The following TUBA1C variants were observed in gnomAD, a reference collection of about 807,000 sequenced individuals.
TUBA1C encodes tubulin alpha 1c.
In TUBA1C, 16 loss-of-function variants were observed where a neutral mutation model predicts 34.9. That is an observed-to-expected ratio of 0.46 (90% CI 0.31 to 0.70). The LOEUF is 0.70. TUBA1C is among the 30% of genes least tolerant of loss of function. The pLI is 0.05. For missense variants in TUBA1C, 329 were observed against 587.3 expected (o/e 0.56, Z 4.55); for synonymous variants, 177 against 215.9 (o/e 0.82, Z 1.58).
intron 1 of TUBA1C, among the ~76,000 whole-genome samples, chr12:49,235,037 C>T (rs2136987753): frequency 6.6e-6 from 1 of 150,552 alleles, no homozygotes; most frequent in East Asian, 2.0e-4. Flanking sequence ...AGGCTGGTCT[C>T]GAATTCCTGT....
intron 1 of TUBA1C, among the ~76,000 whole-genome samples, chr12:49,253,818 A>T (rs376151710): frequency 6.6e-6 from 1 of 152,148 alleles, no homozygotes; most frequent in South Asian, 2.1e-4. Flanking sequence ...TTGAACAGTA[A>T]CTCAAACTGG....
At chr12:49,272,151 T>C in intron 3 of TUBA1C, 102 bp from the exon 4 acceptor site, 1 of 1,516,082 alleles carries the variant, frequency 6.6e-7, no homozygotes, top group Non-Finnish European at 8.8e-7. Context: ...AAATTGCAAT[T>C]GGAGTAGCCA....
rs149194844 is a variant in TUBA1C, at chr12:49,273,150, A to G, written c.1273A>G (p.Met425Val). 1.4e-5 allele frequency: 22 copies of G among 1,614,216 alleles called. No homozygotes were observed. The highest frequency in any genetic ancestry group is 5.3e-5 in the African/African-American group (4 of 75,056). The part of the protein sequence containing the change: ...EGEFSEARED[M>V]AALEKDYEEV... ...CGAGTTTTCAGAGGCCCGTGAGGAC[A>G]TGGCTGCCCTTGAGAAGGATTATGA... The change falls in exon 4 of 4, where the codon ATG (methionine) becomes GTG (valine). Residue 425 changes from methionine to valine, a missense_variant. Met to Val is a conservative substitution (Grantham distance 21). This residue lies in a region of TUBA1C where 34 missense variants were observed against 31.8 expected (regional missense o/e 1.07). Transcript: ENST00000301072.
At chr12:49,256,255 C>T (rs1185745863) in intron 1 of TUBA1C, 1 of 337,164 alleles carries the variant, frequency 3.0e-6, no homozygotes, top group African/African-American at 2.1e-5. Context: ...GATCTCTGTT[C>T]CAGGATAATT....
chr12:49,270,118 T>C, intron 3 of TUBA1C, 142 bp downstream of exon 3: 1 of 1,514,718 alleles, frequency 6.6e-7, no homozygotes, highest in South Asian at 1.1e-5. Context: ...TTAATTGGAT[T>C]TCTGAACCAG....
rs118070320 is a variant in TUBA1C, at chr12:49,242,351, A to T, written c.213+14185A>T. Among the ~76,000 whole-genome samples the T allele has an allele frequency of 7.0e-3, 1,068 of 152,344 alleles. 1 individual carries two copies. The highest frequency in any genetic ancestry group is 0.012 in the Non-Finnish European group (789 of 68,022). ...GGAAAAAAATGTGGTTTGGAGCCAC[A>T]GATCTAGCTCCTTCCATTTGTAGAA... On this transcript the variant is annotated intron_variant, in intron 1 of 3. Coordinates refer to the TUBA1C transcript ENST00000541364.
intron 1 of TUBA1C, among the ~76,000 whole-genome samples, chr12:49,240,571 C>T (rs917462643): frequency 5.9e-5 from 9 of 152,064 alleles, no homozygotes; most frequent in African/African-American, 1.7e-4. Flanking sequence ...CTCCAAGTTC[C>T]CCATTGTGGC....
At chr12:49,256,476 G>C in intron 1 of TUBA1C, 1 of 454,990 alleles carries the variant, frequency 2.2e-6, no homozygotes, top group Non-Finnish European at 4.4e-6. Context: ...AGTCGATTTT[G>C]TAGTTACAGG....
chr12:49,267,971 A>G (rs1423332067), intron 1 of TUBA1C, among the ~76,000 whole-genome samples: 1 of 152,128 alleles, frequency 6.6e-6, no homozygotes, highest in Non-Finnish European at 1.5e-5. Flanking sequence ...TACAGATTCT[A>G]TGTTTATTCC....
At chr12:49,269,790 C>G (rs1299662519) in intron 2 of TUBA1C, 38 bp from the exon 3 acceptor site, 8 of 1,609,536 alleles carry the variant, frequency 5.0e-6, no homozygotes, top group Non-Finnish European at 6.8e-6. Flanking sequence ...CCTCCCCGCT[C>G]CTTGTCCCTC....
intron 1 of TUBA1C, among the ~76,000 whole-genome samples, chr12:49,248,051 C>T (rs1481677555): frequency 6.6e-6 from 1 of 150,964 alleles, no homozygotes; most frequent in African/African-American, 2.4e-5. Flanking sequence ...CTGAGGCAGG[C>T]AGATCACGAG....
At chr12:49,267,910 C>T (rs1023690059) in intron 1 of TUBA1C, among the ~76,000 whole-genome samples, 10 of 152,196 alleles carry the variant, frequency 6.6e-5, no homozygotes, top group African/African-American at 1.9e-4. Context: ...GCTAATCTGA[C>T]TTATGATGAA....
At chr12:49,270,149 C>T in intron 3 of TUBA1C, 173 bp downstream of exon 3, 3 of 1,351,156 alleles carry the variant, frequency 2.2e-6, no homozygotes, top group Non-Finnish European at 3.1e-6. Flanking sequence ...ATTTATGGGA[C>T]AACTATGGGG....
intron 1 of TUBA1C, among the ~76,000 whole-genome samples, chr12:49,266,170 A>G (rs1942908577): frequency 6.6e-6 from 1 of 150,526 alleles, no homozygotes; most frequent in Non-Finnish European, 1.5e-5. Context: ...TCACGCCTGT[A>G]ATCCCAGCAC....
chr12:49,270,327 A>G (rs1942974433), intron 3 of TUBA1C: 1 of 398,642 alleles, frequency 2.5e-6, no homozygotes, highest in African/African-American at 2.1e-5. Flanking sequence ...CAGAAAGTTC[A>G]GAGAACAAGA....
At position 49,272,983 on chromosome 12, in the gene TUBA1C, C is replaced by G; in HGVS notation, c.1106C>G (p.Ala369Gly). Residue 369 changes from alanine to glycine, a missense_variant, in exon 4 of 4, where the codon GCC (alanine) becomes GGC (glycine). Ala to Gly is a moderately conservative substitution (Grantham distance 60, BLOSUM62 0). Transcript: ENST00000301072. ...ACTGTGGTGCCTGGCGGAGACCTGG[C>G]CAAGGTACAGAGAGCTGTGTGCATG... ...PPTVVPGGDL[A>G]KVQRAVCMLS... The G allele has an allele frequency of 6.2e-7, 1 of 1,614,210 alleles. No individual in the cohort carries two copies. Among genetic ancestry groups the G allele is most frequent in the South Asian group, 1.1e-5 (1 of 91,084 alleles).
At chr12:49,265,977 A>C (rs1177605322) in intron 1 of TUBA1C, among the ~76,000 whole-genome samples, 3 of 148,970 alleles carry the variant, frequency 2.0e-5, no homozygotes, top group Admixed American at 6.7e-5. Context: ...AAAAAACAAA[A>C]AAAAACGCTG....
At chr12:49,247,067 G>A (rs1383369657) in intron 1 of TUBA1C, among the ~76,000 whole-genome samples, 1 of 151,036 alleles carries the variant, frequency 6.6e-6, no homozygotes, top group East Asian at 1.9e-4. Flanking sequence ...ATGAACCCAG[G>A]AGATGGAGGT....
At chr12:49,250,996 C>T (rs755156825) in intron 1 of TUBA1C, among the ~76,000 whole-genome samples, 3 of 152,140 alleles carry the variant, frequency 2.0e-5, no homozygotes, top group Non-Finnish European at 4.4e-5. Context: ...CACTTGAGGT[C>T]GGGAGTTCAA....
Sources: allele counts gnomAD v4.1 joint callset (sites outside exome capture counted in the v4.1 genomes callset), GRCh38; gene constraint gnomAD v4.1.1; regional missense constraint gnomAD v4.1.1; transcripts MANE v1.5; gene names NCBI Gene and HGNC (gene_info 2026-07-23, HGNC 2026-07-21).